Variants in CDHR2 observed in about 807,000 individuals in gnomAD.
The protein encoded by CDHR2 is cadherin-related family member 2.
A neutral mutation model predicts 138.6 loss-of-function variants in CDHR2; 104 were observed. That is an observed-to-expected ratio of 0.75 (90% CI 0.64 to 0.88). The LOEUF (loss-of-function observed/expected upper bound fraction) is 0.88. Ranked by LOEUF, CDHR2 falls within the 40% of genes least tolerant of loss-of-function variation. The probability of loss-of-function intolerance (pLI) is 0.00; values close to 1 mark genes in which losing one functional copy is unlikely to be tolerated. For synonymous variants in CDHR2, 755 were observed against 742.8 expected (o/e 1.02, Z -0.27); for missense variants, 1,624 against 1,727.6 (o/e 0.94, Z 1.06).
At chr5:176,574,003 T>C in intron 6 of CDHR2, 80 bp from the exon 7 acceptor site, 1 of 1,112,802 alleles carries the variant, frequency 9.0e-7, no homozygotes, top group Non-Finnish European at 1.3e-6. Flanking sequence ...CTGAGGACAC[T>C]GAAGCTCAGG....
chr5:176,568,763 C>T lies in CDHR2; in HGVS notation c.210C>T (p.Phe70=), dbSNP rs113200117. ...TGAGCGGCCCCAATGCCTACTTCTT[C>T]GCTGTCACTCCGAAAACTGGGGAAG... ...YGMSGPNAYF[F]AVTPKTGEVK... The change falls in exon 4 of 32, where the codon TTC becomes TTT. Residue 70 remains phenylalanine, a synonymous_variant. Transcript: ENST00000261944. The T allele has an allele frequency of 7.1e-5, 114 of 1,614,218 alleles. 1 individual carries two copies. In the Middle Eastern group the frequency reaches 1.3e-3, roughly 19 times the overall value.
upstream of CDHR2, among the ~76,000 whole-genome samples, chr5:176,547,883 ATGCCTGACTATAGCAAC>A (rs1757619908): frequency 6.6e-6 from 1 of 152,244 alleles, no homozygotes; most frequent in African/African-American, 2.4e-5. Context: ...AACTATTAAA[ATGCCTGACTATAGCAAC>A]TGCCTGATAT....
intron 31 of CDHR2, 23 bp from the exon 32 acceptor site, chr5:176,595,509 A>G: frequency 2.6e-6 from 4 of 1,558,944 alleles, no homozygotes; most frequent in Non-Finnish European, 3.5e-6. Flanking sequence ...TGCCCTTCAC[A>G]CCTCCTCTCC....
At position 176,543,126 on chromosome 5, in the gene CDHR2, G is replaced by C. The variant is rs141848371; in HGVS notation, c.-16+357G>C. 0.015 allele frequency among the ~76,000 whole-genome samples: 2,297 copies of C among 151,392 alleles called. 81 individuals carry two copies. The highest frequency in any genetic ancestry group is 0.088 in the Admixed American group (1,333 of 15,226). On this transcript the variant is annotated intron_variant, in intron 1 of 31. Coordinates refer to the CDHR2 transcript ENST00000510636. This position sits in a 1 kb window ranked among gnomAD's most constrained non-coding sequence, Gnocchi z 4.0. ...GGGCCCGGGACTGCGAGCTCCCGCCGTGCGGGCGCCGGCAGAGGCCTGGCG... is the reference window on the plus strand; with the variant it reads ...GGGCCCGGGACTGCGAGCTCCCGCCCTGCGGGCGCCGGCAGAGGCCTGGCG...
intron 1 of CDHR2, among the ~76,000 whole-genome samples, chr5:176,559,632 C>T (rs1757921589): frequency 6.6e-6 from 1 of 152,164 alleles, no homozygotes; most frequent in Non-Finnish European, 1.5e-5. Context: ...TGGATTAATC[C>T]TCTAATTTCT....
chr5:176,589,024 C>A lies in CDHR2; in HGVS notation c.2857-7C>A. 6.2e-7 allele frequency: 1 copy of A among 1,613,808 alleles called. No homozygotes were observed. The highest frequency in any genetic ancestry group is 8.5e-7 in the Non-Finnish European group (1 of 1,179,812). On this transcript the variant is annotated splice_polypyrimidine_tract_variant and splice_region_variant and intron_variant, in intron 21 of 31. Coordinates refer to ENST00000261944, the MANE Select transcript of CDHR2 (RefSeq NM_017675.6). Reference sequence around the variant, plus strand: ...GGCCCCCAGATATTGTCCACTCTTGCTCCCAGGCCAGAGACGATGATTCAG... The same window carrying A: ...GGCCCCCAGATATTGTCCACTCTTGATCCCAGGCCAGAGACGATGATTCAG...
At chr5:176,582,328 T>C (rs1231947376) in intron 17 of CDHR2, among the ~76,000 whole-genome samples, 1 of 152,208 alleles carries the variant, frequency 6.6e-6, no homozygotes, top group Non-Finnish European at 1.5e-5. Flanking sequence ...CTAATTTGGC[T>C]AATTTTTAAA....
chr5:176,584,902 T>G lies in CDHR2; in HGVS notation c.2621T>G (p.Val874Gly). The G allele has an allele frequency of 6.2e-7, 1 of 1,613,046 alleles. No individual in the cohort carries two copies. Among genetic ancestry groups the G allele is most frequent in the South Asian group, 1.1e-5 (1 of 90,912 alleles). Residue 874 changes from valine (V) to glycine (G), a missense_variant, in exon 19 of 32, where the codon GTG becomes GGG. This residue lies in a region of CDHR2 where 556 missense variants were observed against 565.7 expected (regional missense o/e 0.98). Transcript: ENST00000261944. ...TTCTCAGTGGCGGCCAACGGCTCTGTGTACATCAACCAGAGCAAAGCCATC... is the reference window on the plus strand; with the variant it reads ...TTCTCAGTGGCGGCCAACGGCTCTGGGTACATCAACCAGAGCAAAGCCATC... ...GWFSVAANGSVYINQSKAIDY... is the reference protein window; with the variant it reads ...GWFSVAANGSGYINQSKAIDY...
upstream of CDHR2, among the ~76,000 whole-genome samples, chr5:176,544,354 TTTC>T (rs1757533849): frequency 7.8e-6 from 1 of 128,676 alleles, no homozygotes; most frequent in African/African-American, 2.9e-5. Flanking sequence ...TCTTTTTTCT[TTTC>T]TTTTCTTTCT....
rs767986869 is a variant in CDHR2 at position 176,575,288 on chromosome 5, C to T, written c.630C>T (p.Gly210=). ...TGGCCATCTCCCCGCAGGACTTGGGCGGCATGTACCACAACACCTTCACCA... is the reference window on the plus strand; with the variant it reads ...TGGCCATCTCCCCGCAGGACTTGGGTGGCATGTACCACAACACCTTCACCA... ...YQLELKACDL[G]GMYHNTFTIQ... is the part of the protein sequence containing the mutation. Residue 210 remains glycine, a synonymous_variant, in exon 9 of 32, where the codon GGC becomes GGT. Coordinates refer to ENST00000261944, the MANE Select transcript of CDHR2 (RefSeq NM_017675.6). 47 of 1,614,078 alleles carry T rather than the reference C, an allele frequency of 2.9e-5. No individual in the cohort carries two copies. The highest frequency in any genetic ancestry group is 5.3e-5 in the African/African-American group (4 of 74,940).
intron 1 of CDHR2, among the ~76,000 whole-genome samples, chr5:176,549,684 G>A (rs1367204998): frequency 1.3e-5 from 2 of 152,158 alleles, no homozygotes; most frequent in Non-Finnish European, 2.9e-5. Context: ...TTCTTCAGAG[G>A]ATGGAAGGGA....
intron 21 of CDHR2, among the ~76,000 whole-genome samples, chr5:176,588,136 G>A (rs369366406): frequency 1.3e-5 from 2 of 152,130 alleles, no homozygotes; most frequent in Non-Finnish European, 2.9e-5. Context: ...GGTACTCCCC[G>A]CACGGAAATG....
rs1758526908 is a variant in CDHR2 at position 176,581,415 on chromosome 5, C to T, written c.1891C>T (p.His631Tyr). 6.2e-7 allele frequency: 1 copy of T among 1,614,174 alleles called. No homozygotes were observed. Among genetic ancestry groups the T allele is most frequent in the Non-Finnish European group, 8.5e-7 (1 of 1,180,038 alleles). Residue 631 changes from histidine (H) to tyrosine (Y), a missense_variant, in exon 17 of 32, where the codon CAC becomes TAC. Physicochemically the swap from His to Tyr is moderately conservative, Grantham distance 83. Coordinates refer to ENST00000261944, the MANE Select transcript of CDHR2 (RefSeq NM_017675.6). Reference protein sequence around the residue: ...LFNLLPGPYSHNFSLDPDTGL... With the variant: ...LFNLLPGPYSYNFSLDPDTGL... ...CAACCTGCTGCCTGGCCCCTACAGC[C>T]ACAACTTCTCCTTGGACCCTGACAC...
chr5:176,578,372 C>T lies in CDHR2; in HGVS notation c.1582C>T (p.Leu528Phe). The part of the protein sequence containing the change: ...YSLLPGNGAD[L>F]FQVDPVSGTV... ...CCTGGCCCCTCTGAGCAGGGCAGACCTCTTCCAAGTGGATCCCGTCTCAGG... is the reference window on the plus strand; with the variant it reads ...CCTGGCCCCTCTGAGCAGGGCAGACTTCTTCCAAGTGGATCCCGTCTCAGG... Residue 528 changes from leucine to phenylalanine, a missense_variant, in exon 16 of 32, where the codon CTC becomes TTC. Physicochemically the swap from Leu to Phe is conservative, Grantham distance 22. Transcript: ENST00000261944. 1 of 1,612,756 alleles carries T rather than the reference C, an allele frequency of 6.2e-7. No homozygotes were observed. The highest frequency in any genetic ancestry group is 8.5e-7 in the Non-Finnish European group (1 of 1,179,496).
intron 16 of CDHR2, among the ~76,000 whole-genome samples, chr5:176,580,118 AC>A (rs1758491115): frequency 7.5e-6 from 1 of 133,996 alleles, no homozygotes; most frequent in Non-Finnish European, 1.6e-5. Context: ...ACACACACAC[AC>A]ACTCACGCAC....
rs142642400 is a variant in CDHR2 at position 176,570,545 on chromosome 5, C to T, written c.316-668C>T. Among the ~76,000 whole-genome samples the T allele has an allele frequency of 8.0e-3, 1,217 of 152,296 alleles. 14 individuals carry two copies. The highest frequency in any genetic ancestry group is 0.027 in the African/African-American group (1,111 of 41,558). On this transcript the variant is annotated intron_variant, in intron 5 of 31. Transcript: ENST00000261944. ...AATTTTTTGTAGAGACAGAGTCTCA[C>T]CATATTGCCCAGGCTGGTCTTGAAC...
intron 1 of CDHR2, among the ~76,000 whole-genome samples, chr5:176,555,303 G>A (rs988874529): frequency 6.6e-6 from 1 of 152,202 alleles, no homozygotes; most frequent in Non-Finnish European, 1.5e-5. Flanking sequence ...GGGGCCACGG[G>A]AGGCCTGCCT....
At position 176,590,322 on chromosome 5, in the gene CDHR2, G is replaced by A. The variant is rs749529508; in HGVS notation, c.3345G>A (p.Glu1115=). The A allele has an allele frequency of 6.2e-7, 1 of 1,614,216 alleles. No individual in the cohort carries two copies. The highest frequency in any genetic ancestry group is 8.5e-7 in the Non-Finnish European group (1 of 1,180,030). The change falls in exon 26 of 32, where the codon GAG becomes GAA. Residue 1115 remains glutamate, a synonymous_variant. Transcript: ENST00000261944. ...FPNGSALTLD[E]LSVMIRNDQD... is the part of the protein sequence containing the mutation. ...ATGGGTCAGCCCTGACCCTTGATGAGCTGAGTGTGTGAGTGGGGCTGCCCT... is the reference window on the plus strand; with the variant it reads ...ATGGGTCAGCCCTGACCCTTGATGAACTGAGTGTGTGAGTGGGGCTGCCCT...
intron 19 of CDHR2, 150 bp from the exon 20 acceptor site, chr5:176,585,804 T>C: frequency 7.7e-6 from 5 of 651,506 alleles, no homozygotes; most frequent in Middle Eastern, 8.2e-4. Flanking sequence ...GGGCACGGGG[T>C]TGAGGCTGCG....
Sources: gnomAD v4.1 joint callset for allele counts (sites outside exome capture counted in the v4.1 genomes callset) on GRCh38, gnomAD v4.1.1 for gene constraint, gnomAD v4.1.1 regional missense constraint, Gnocchi (gnomAD v3.1) non-coding constraint, MANE v1.5 for transcripts, NCBI Gene and HGNC (gene_info 2026-07-23, HGNC 2026-07-21) for gene names.